RYK: variants seen among roughly 807,000 people sequenced by gnomAD.
RYK encodes the protein inactive tyrosine-protein kinase RYK.
In RYK, 21 loss-of-function variants were observed where a neutral mutation model predicts 70.2. That is an observed-to-expected ratio of 0.30 (90% confidence interval 0.21 to 0.43). The LOEUF (loss-of-function observed/expected upper bound fraction) is 0.43. Among genes scored for constraint, RYK ranks in the 20% least tolerant of loss-of-function variants. RYK has a pLI of 1.00. For synonymous variants in RYK, 267 were observed against 278.0 expected (o/e 0.96, Z 0.39); for missense variants, 604 against 753.3 (o/e 0.80, Z 2.32).
intron 2 of RYK, among the ~76,000 whole-genome samples, chr3:134,217,867 AT>A (rs2014609480): frequency 6.6e-6 from 1 of 152,184 alleles, no homozygotes; most frequent in Non-Finnish European, 1.5e-5. Context: ...CATAAGATTA[AT>A]TTTTAAAATA....
At chr3:134,161,596 T>C (rs2012474048) in intron 13 of RYK, among the ~76,000 whole-genome samples, 1 of 152,182 alleles carries the variant, frequency 6.6e-6, no homozygotes, top group Non-Finnish European at 1.5e-5. Flanking sequence ...GGGAACACCA[T>C]CCTTTAAGAC....
intron 1 of RYK, among the ~76,000 whole-genome samples, chr3:134,248,197 T>C (rs1214899638): frequency 1.3e-5 from 2 of 152,136 alleles, no homozygotes; most frequent in East Asian, 1.9e-4. Context: ...TCAACCCTAT[T>C]TGCACTAGAG....
Position 134,167,356 on chromosome 3 carries a change from C to T in RYK, c.1576-7983G>A, listed in dbSNP as rs144042328. On this transcript the variant is annotated intron_variant, in intron 13 of 14. Transcript: ENST00000623711. ...CCTGACTTCAAACTATACTACAAGG[C>T]TACAGTAACCAAAACAGCATGGTAC... Among the ~76,000 whole-genome samples the T allele has an allele frequency of 1.8e-3, 273 of 152,276 alleles. 2 individuals carry two copies. Among genetic ancestry groups the T allele is most frequent in the Non-Finnish European group, 3.1e-3 (211 of 68,022 alleles).
At chr3:134,200,526 C>G (rs1195256597) in intron 6 of RYK, among the ~76,000 whole-genome samples, 1 of 152,176 alleles carries the variant, frequency 6.6e-6, no homozygotes, top group Non-Finnish European at 1.5e-5. Context: ...TCAGCAAGAC[C>G]AAGAACCCAC....
chr3:134,223,606 T>TAAA (rs201690262), intron 1 of RYK, among the ~76,000 whole-genome samples: 3 of 132,454 alleles, frequency 2.3e-5, no homozygotes, highest in African/African-American at 8.3e-5. Flanking sequence ...TTGAGAAATG[T>TAAA]AAAAAAAAAA....
At chr3:134,182,977 A>C (rs1300188137) in intron 10 of RYK, 25 bp downstream of exon 10, 4 of 1,520,268 alleles carry the variant, frequency 2.6e-6, no homozygotes, top group Non-Finnish European at 3.6e-6. Flanking sequence ...CTCAACACTG[A>C]AATGCTGGTG....
chr3:134,231,051 T>C (rs2015044907), intron 1 of RYK, among the ~76,000 whole-genome samples: 1 of 152,090 alleles, frequency 6.6e-6, no homozygotes, highest in South Asian at 2.1e-4. Context: ...AATTTATTGT[T>C]ATTACTGGTA....
chr3:134,184,369 T>C (rs1351010248), intron 9 of RYK, among the ~76,000 whole-genome samples: 7 of 152,154 alleles, frequency 4.6e-5, no homozygotes, highest in African/African-American at 1.7e-4. Context: ...CTTCAAATAT[T>C]TGCACAAATC....
At chr3:134,188,253 C>G (rs1346328911) in intron 9 of RYK, among the ~76,000 whole-genome samples, 4 of 150,684 alleles carry the variant, frequency 2.7e-5, no homozygotes, top group Admixed American at 2.6e-4. Context: ...CTCCGCCTCT[C>G]GGGTTCAAGC....
At chr3:134,244,245 C>T (rs567505117) in intron 1 of RYK, among the ~76,000 whole-genome samples, 6 of 152,244 alleles carry the variant, frequency 3.9e-5, no homozygotes, top group African/African-American at 1.4e-4. Flanking sequence ...TCTGGCACTG[C>T]CCAGCCATAT....
intron 5 of RYK, 150 bp from the exon 6 acceptor site, chr3:134,203,024 T>A: frequency 1.5e-6 from 1 of 679,922 alleles, no homozygotes; most frequent in East Asian, 2.9e-5. Context: ...GTTCACATAA[T>A]TTTTTTGATG....
chr3:134,193,058 GTT>G (rs1413592489), intron 7 of RYK, among the ~76,000 whole-genome samples: 2 of 151,758 alleles, frequency 1.3e-5, no homozygotes, highest in East Asian at 3.9e-4. Context: ...AAAAGTGTTT[GTT>G]TTCAGTATAT....
chr3:134,226,443 C>A (rs1470589948), intron 1 of RYK, among the ~76,000 whole-genome samples: 2 of 152,132 alleles, frequency 1.3e-5, no homozygotes, highest in Non-Finnish European at 2.9e-5. Flanking sequence ...ACCAATCTTA[C>A]ATAAACTCTA....
intron 7 of RYK, among the ~76,000 whole-genome samples, chr3:134,192,391 G>A (rs781127853): frequency 6.7e-6 from 1 of 150,244 alleles, no homozygotes; most frequent in Non-Finnish European, 1.5e-5. Context: ...TGTTTGAAAA[G>A]ATTTTTTTCA....
At chr3:134,247,122 A>T (rs980895130) in intron 1 of RYK, among the ~76,000 whole-genome samples, 5 of 150,248 alleles carry the variant, frequency 3.3e-5, no homozygotes, top group Admixed American at 6.6e-5. Flanking sequence ...AAAAATGTAT[A>T]AAAAAAATCA....
At chr3:134,202,490 T>C (rs1046465572) in intron 6 of RYK, 2 of 426,752 alleles carry the variant, frequency 4.7e-6, no homozygotes, top group South Asian at 3.2e-5. Context: ...AAAAAACTAC[T>C]TGTTCTCCAC....
At chr3:134,231,854 T>C (rs2015065869) in intron 1 of RYK, among the ~76,000 whole-genome samples, 1 of 152,120 alleles carries the variant, frequency 6.6e-6, no homozygotes, top group Non-Finnish European at 1.5e-5. Context: ...CTCAGTTACC[T>C]CATTCACTGA....
intron 4 of RYK, among the ~76,000 whole-genome samples, chr3:134,208,495 C>T (rs529219903): frequency 6.6e-6 from 1 of 152,136 alleles, no homozygotes; most frequent in Non-Finnish European, 1.5e-5. Context: ...TGGTATATAA[C>T]TGAATATAGT....
chr3:134,197,788 G>A (rs1295880483), intron 6 of RYK, among the ~76,000 whole-genome samples: 1 of 152,212 alleles, frequency 6.6e-6, no homozygotes, highest in Non-Finnish European at 1.5e-5. Flanking sequence ...TACTTCTTAA[G>A]TATTATCTGC....
Sources: allele counts gnomAD v4.1 joint callset (sites outside exome capture counted in the v4.1 genomes callset), GRCh38; gene constraint gnomAD v4.1.1; transcripts MANE v1.5; gene names NCBI Gene and HGNC (gene_info 2026-07-23, HGNC 2026-07-21).